FSBP: variants seen among roughly 807,000 people sequenced by gnomAD.
FSBP encodes fibrinogen silencer binding protein, also known as fibrinogen silencer-binding protein.
In FSBP, 18 loss-of-function variants were observed where a neutral mutation model predicts 24.6. That is an observed-to-expected ratio of 0.73 (90% CI 0.51 to 1.08). The LOEUF is 1.08. Ranked by LOEUF, FSBP falls within the 50% of genes least tolerant of loss-of-function variation. The pLI is 0.00. For missense variants in FSBP, 305 were observed against 347.6 expected (o/e 0.88, Z 0.98); for synonymous variants, 110 against 125.8 (o/e 0.87, Z 0.84).
Position 94,436,881 on chromosome 8 carries a change from AT to A in FSBP, c.-14del. ...CCTTTCCTACCATTGTTCTTTTCAAATTAAGTAGGCAGTTTCTGAAACCACC... is the reference window on the plus strand; with the variant it reads ...CCTTTCCTACCATTGTTCTTTTCAAATAAGTAGGCAGTTTCTGAAACCACC... On this transcript the variant is annotated 5_prime_UTR_variant, in exon 1 of 2. It removes the in-frame stop codon of an upstream open reading frame in the 5' UTR. Coordinates refer to ENST00000481490, the MANE Select transcript of FSBP (RefSeq NM_001256141.2). 6.7e-7 allele frequency: 1 copy of A among 1,498,340 alleles called. No individual in the cohort carries two copies. The highest frequency in any genetic ancestry group is 8.9e-7 in the Non-Finnish European group (1 of 1,126,234). The allele number at this position is 1,498,340 out of a possible 1,614,324, so 92.8% of individuals were successfully genotyped here.
rs951498104 is a variant in FSBP, at chr8:94,430,380, C to T, written c.*1751G>A. ...TCAACCATCATCCAAATTTATATCC[C>T]TCAGTTCACTTTCAACTACTCTTCG... On this transcript the variant is annotated 3_prime_UTR_variant, in exon 2 of 2. Transcript: ENST00000481490. 2.1e-5 allele frequency: 21 copies of T among 984,964 alleles called. No homozygotes were observed. Among genetic ancestry groups the T allele is most frequent in the South Asian group, 9.4e-5 (2 of 21,278 alleles). The allele number at this position is 984,964 out of a possible 1,614,324, so 61.0% of individuals were successfully genotyped here. A position where few individuals can be genotyped will look rare whatever the true frequency, so the allele number is the denominator to read the frequency against.
intron 1 of FSBP, 67 bp downstream of exon 1, chr8:94,436,428 G>T (rs1385173976): frequency 2.1e-6 from 3 of 1,455,752 alleles, no homozygotes; most frequent in Non-Finnish European, 2.7e-6. Context: ...TCTCTATCAC[G>T]ACTAAGCCAA....
chr8:94,432,719 G>T (rs1236600573), intron 1 of FSBP, 63 bp from the exon 2 acceptor site: 1 of 1,381,102 alleles, frequency 7.2e-7, no homozygotes. Context: ...TATATTTATA[G>T]CATAATTTTA....
chr8:94,436,917 T>C lies in FSBP; in HGVS notation c.-49A>G. 6.9e-7 allele frequency: 1 copy of C among 1,459,758 alleles called. No homozygotes were observed. Among genetic ancestry groups the C allele is most frequent in the South Asian group, 1.5e-5 (1 of 66,500 alleles). 90.4% of individuals were successfully genotyped at this position (1,459,758 alleles called of 1,614,324 possible). ...AGTTTCTGAAACCACCATGCAGCCT[T>C]CAGCTCTGCTCAGCTCTTTTCACAA... On this transcript the variant is annotated 5_prime_UTR_variant, in exon 1 of 2. Coordinates refer to ENST00000481490, the MANE Select transcript of FSBP (RefSeq NM_001256141.2).
rs1212998318 is a variant in FSBP, at chr8:94,431,427, T to G, written c.*704A>C. 1 of 981,630 alleles carries G rather than the reference T, an allele frequency of 1.0e-6. No individual in the cohort carries two copies. Among genetic ancestry groups the G allele is most frequent in the Non-Finnish European group, 1.2e-6 (1 of 826,622 alleles). 60.8% of individuals were successfully genotyped at this position (981,630 alleles called of 1,614,324 possible). ...AACCTAACAATCTTTAAAGGCAATTTTAATGAAAGAAATGCTTCTAATATT... is the reference window on the plus strand; with the variant it reads ...AACCTAACAATCTTTAAAGGCAATTGTAATGAAAGAAATGCTTCTAATATT... On this transcript the variant is annotated 3_prime_UTR_variant, in exon 2 of 2. Coordinates refer to ENST00000481490, the MANE Select transcript of FSBP (RefSeq NM_001256141.2).
Position 94,428,461 on chromosome 8 carries a change from A to G in FSBP, c.*3670T>C, listed in dbSNP as rs1811999914. The G allele has an allele frequency of 3.1e-6, 1 of 318,382 alleles. No individual in the cohort carries two copies. The highest frequency in any genetic ancestry group is 6.5e-5 in the Admixed American group (1 of 15,452). The allele number at this position is 318,382 out of a possible 1,614,324, so 19.7% of individuals were successfully genotyped here. On this transcript the variant is annotated 3_prime_UTR_variant, in exon 2 of 2. Coordinates refer to ENST00000481490, the MANE Select transcript of FSBP (RefSeq NM_001256141.2). Reference sequence around the variant, plus strand: ...ATATAAAATGTTTGTATTCACATACAATTTACACACATCCTTCCATATACT... The same window carrying G: ...ATATAAAATGTTTGTATTCACATACGATTTACACACATCCTTCCATATACT...
At position 94,430,499 on chromosome 8, in the gene FSBP, C is replaced by T. The variant is rs914430576; in HGVS notation, c.*1632G>A. On this transcript the variant is annotated 3_prime_UTR_variant, in exon 2 of 2. Coordinates refer to ENST00000481490, the MANE Select transcript of FSBP (RefSeq NM_001256141.2). ...CTCAAACTTTAGCATGCATCAGAAT[C>T]GCTAAAGGGTTTATTAAAAGAGATT... The T allele has an allele frequency of 3.2e-6, 3 of 936,368 alleles. No homozygotes were observed. Among genetic ancestry groups the T allele is most frequent in the East Asian group, 1.2e-4 (1 of 8,564 alleles). 58.0% of individuals were successfully genotyped at this position (936,368 alleles called of 1,614,324 possible). A position where few individuals can be genotyped will look rare whatever the true frequency, so the allele number is the denominator to read the frequency against.
chr8:94,435,957 T>G (rs989554252), intron 1 of FSBP, among the ~76,000 whole-genome samples: 2 of 152,158 alleles, frequency 1.3e-5, no homozygotes, highest in Admixed American at 1.3e-4. Flanking sequence ...TAATTTAAAC[T>G]GTCTTCATAT....
rs1212892198 is a variant in FSBP, at chr8:94,432,534, A to G, written c.497T>C (p.Leu166Pro). The change falls in exon 2 of 2, where the codon CTG (leucine) becomes CCG (proline). Residue 166 changes from leucine to proline, a missense_variant. Physicochemically the swap from Leu to Pro is moderately conservative, Grantham distance 98. Coordinates refer to ENST00000481490, the MANE Select transcript of FSBP (RefSeq NM_001256141.2). ...QEEDIKPPPPLVLNSQQSDTL... is the reference protein window; with the variant it reads ...QEEDIKPPPPPVLNSQQSDTL... ...ATCACTCTGTTGAGAATTTAAAACC[A>G]GTGGAGGAGGTGGTTTAATGTCTTC... is the stretch of plus-strand genomic sequence containing the variant. 1 of 1,550,542 alleles carries G rather than the reference A, an allele frequency of 6.4e-7. No individual in the cohort carries two copies. Among genetic ancestry groups the G allele is most frequent in the Admixed American group, 2.0e-5 (1 of 50,960 alleles).
At position 94,432,018 on chromosome 8, in the gene FSBP, T is replaced by A. The variant is rs1448763153; in HGVS notation, c.*113A>T. 6 of 1,374,002 alleles carry A rather than the reference T, an allele frequency of 4.4e-6. No individual in the cohort carries two copies. The African/African-American group carries it at 7.3e-5, about 17-fold the overall frequency. 85.1% of individuals were successfully genotyped at this position (1,374,002 alleles called of 1,614,324 possible). A position where few individuals can be genotyped will look rare whatever the true frequency, so the allele number is the denominator to read the frequency against. Reference sequence around the variant, plus strand: ...AAATTATATCTAAAAAGTTTTTCCATAATAGAGATTAACAACATTTTTCAA... The same window carrying A: ...AAATTATATCTAAAAAGTTTTTCCAAAATAGAGATTAACAACATTTTTCAA... On this transcript the variant is annotated 3_prime_UTR_variant, in exon 2 of 2. Coordinates refer to ENST00000481490, the MANE Select transcript of FSBP (RefSeq NM_001256141.2).
At chr8:94,435,527 A>T (rs1586021008) in intron 1 of FSBP, among the ~76,000 whole-genome samples, 2 of 152,090 alleles carry the variant, frequency 1.3e-5, no homozygotes, top group African/African-American at 4.8e-5. Flanking sequence ...GGCTCCTCAA[A>T]CTAACAAGGA....
At position 94,433,608 on chromosome 8, in the gene FSBP, T is replaced by C. The variant is rs535089069; in HGVS notation, c.375-952A>G. On this transcript the variant is annotated intron_variant, in intron 1 of 1. Coordinates refer to ENST00000481490, the MANE Select transcript of FSBP (RefSeq NM_001256141.2). The stretch of plus-strand genomic sequence containing the variant: ...AGCTTCAGCATAACAAGTTATGATA[T>C]TATAAATGCAATAAACCTTAAAATT... Among the ~76,000 whole-genome samples the C allele has an allele frequency of 3.3e-5, 5 of 152,138 alleles. No individual in the cohort carries two copies. In the East Asian group the frequency reaches 7.7e-4, roughly 23 times the overall value.
Position 94,431,140 on chromosome 8 carries a change from T to A in FSBP, c.*991A>T. The A allele has an allele frequency of 1.1e-6, 1 of 932,754 alleles. No individual in the cohort carries two copies. The highest frequency in any genetic ancestry group is 1.3e-6 in the Non-Finnish European group (1 of 782,056). 57.8% of individuals were successfully genotyped at this position (932,754 alleles called of 1,614,324 possible). On this transcript the variant is annotated 3_prime_UTR_variant, in exon 2 of 2. Coordinates refer to ENST00000481490, the MANE Select transcript of FSBP (RefSeq NM_001256141.2). ...AGAGATTTAATATAAATTTAATATG[T>A]ATGCTTTAAGAATTGAGGTTTTATT...
rs1812062926 is a variant in FSBP at position 94,430,453 on chromosome 8, A to G, written c.*1678T>C. ...GATTTAGGCACCAAGCGAGGTTCCAAAATACTCTGTTTCACTGGTTCTCAA... is the reference window on the plus strand; with the variant it reads ...GATTTAGGCACCAAGCGAGGTTCCAGAATACTCTGTTTCACTGGTTCTCAA... On this transcript the variant is annotated 3_prime_UTR_variant, in exon 2 of 2. Coordinates refer to ENST00000481490, the MANE Select transcript of FSBP (RefSeq NM_001256141.2). 3.0e-6 allele frequency: 3 copies of G among 984,880 alleles called. No homozygotes were observed. The highest frequency in any genetic ancestry group is 3.5e-5 in the African/African-American group (2 of 57,222). 61.0% of individuals were successfully genotyped at this position (984,880 alleles called of 1,614,324 possible).
rs548546076 is a variant in FSBP at position 94,434,474 on chromosome 8, A to C, written c.375-1818T>G. Among the ~76,000 whole-genome samples, 15 of 152,020 alleles carry C rather than the reference A, an allele frequency of 9.9e-5. No individual in the cohort carries two copies. In the East Asian group the frequency reaches 2.7e-3, roughly 27 times the overall value. On this transcript the variant is annotated intron_variant, in intron 1 of 1. Coordinates refer to ENST00000481490, the MANE Select transcript of FSBP (RefSeq NM_001256141.2). ...TAGGAAGAGGTAAAAATAAAGACAT[A>C]AGTCAATGTGAGTTACAGAAAATAA...
In FSBP at chr8:94,432,182, C is replaced by G; in HGVS notation, c.849G>C (p.Lys283Asn). The G allele has an allele frequency of 6.5e-7, 1 of 1,550,176 alleles. No homozygotes were observed. Among genetic ancestry groups the G allele is most frequent in the Non-Finnish European group, 8.7e-7 (1 of 1,146,840 alleles). ...CATGCCGTAAGCGAATTGCTTTCAGCTTCTCCACTTCAATTTTTGCTCTTA... is the reference window on the plus strand; with the variant it reads ...CATGCCGTAAGCGAATTGCTTTCAGGTTCTCCACTTCAATTTTTGCTCTTA... ...ELLRAKIEVEKLKAIRLRHDL... is the reference protein window; with the variant it reads ...ELLRAKIEVENLKAIRLRHDL... Residue 283 changes from lysine to asparagine, a missense_variant, in exon 2 of 2, where the codon AAG (lysine) becomes AAC (asparagine). Transcript: ENST00000481490.
Position 94,428,980 on chromosome 8 carries a change from A to G in FSBP, c.*3151T>C. On this transcript the variant is annotated 3_prime_UTR_variant, in exon 2 of 2. Coordinates refer to ENST00000481490, the MANE Select transcript of FSBP (RefSeq NM_001256141.2). ...CTTTATACAGGAATTCTCATAAACT[A>G]TACTATGTTAATCATGGTTATACAA... 1 of 982,614 alleles carries G rather than the reference A, an allele frequency of 1.0e-6. No homozygotes were observed. The highest frequency in any genetic ancestry group is 1.2e-6 in the Non-Finnish European group (1 of 827,362). 60.9% of individuals were successfully genotyped at this position (982,614 alleles called of 1,614,324 possible).
Position 94,436,824 on chromosome 8 carries a change from C to T in FSBP, c.45G>A (p.Lys15=). 1 of 1,545,938 alleles carries T rather than the reference C, an allele frequency of 6.5e-7. No individual in the cohort carries two copies. The highest frequency in any genetic ancestry group is 8.7e-7 in the Non-Finnish European group (1 of 1,145,456). Residue 15 remains lysine, a synonymous_variant, in exon 1 of 2, where the codon AAG becomes AAA. Transcript: ENST00000481490. ...GCTTCACAAGCTTTAGCAAATCAAG[C>T]TTTTCGGATAAGGTAAAATTGGAAG... ...ARSSNFTLSE[K]LDLLKLVKPY... is the part of the protein sequence containing the mutation.
Position 94,431,516 on chromosome 8 carries a change from A to T in FSBP, c.*615T>A. 3 of 979,656 alleles carry T rather than the reference A, an allele frequency of 3.1e-6. No homozygotes were observed. Among genetic ancestry groups the T allele is most frequent in the Non-Finnish European group, 3.6e-6 (3 of 824,702 alleles). 60.7% of individuals were successfully genotyped at this position (979,656 alleles called of 1,614,324 possible). A position where few individuals can be genotyped will look rare whatever the true frequency, so the allele number is the denominator to read the frequency against. The stretch of plus-strand genomic sequence containing the variant: ...CGAATAGCGGGATGGAAATTACACA[A>T]AGAAAAACTAAGTGCTGGTCTCTGC... On this transcript the variant is annotated 3_prime_UTR_variant, in exon 2 of 2. Coordinates refer to ENST00000481490, the MANE Select transcript of FSBP (RefSeq NM_001256141.2).
Sources: allele counts gnomAD v4.1 joint callset (sites outside exome capture counted in the v4.1 genomes callset), GRCh38; gene constraint gnomAD v4.1.1; transcripts MANE v1.5; gene names NCBI Gene and HGNC (gene_info 2026-07-23, HGNC 2026-07-21).